The following CLSTN2 variants were observed in gnomAD, a reference collection of about 807,000 sequenced individuals.
CLSTN2 encodes the protein calsyntenin 2.
Under a neutral mutation model 101.2 loss-of-function variants are expected in CLSTN2, and 48 were observed. That is an observed-to-expected ratio of 0.47 (90% confidence interval 0.38 to 0.60). The LOEUF (loss-of-function observed/expected upper bound fraction) is 0.60. Among genes scored for constraint, CLSTN2 ranks in the 20% least tolerant of loss-of-function variants. The pLI, the probability that CLSTN2 is intolerant of heterozygous loss-of-function variation, is 0.00. For synonymous variants in CLSTN2, 481 were observed against 463.6 expected (o/e 1.04, Z -0.48); for missense variants, 1,160 against 1,238.2 (o/e 0.94, Z 0.95).
chr3:140,257,560 GGGTGTGTGTGT>G (rs2086614073), intron 2 of CLSTN2, among the ~76,000 whole-genome samples: 8 of 114,268 alleles, frequency 7.0e-5, no homozygotes, highest in African/African-American at 2.9e-4. Flanking sequence ...TTCTTTCTAG[GGGTGTGTGTGT>G]GTGTGTGTGT....
At chr3:140,532,913 G>C (rs1192543425) in intron 9 of CLSTN2, among the ~76,000 whole-genome samples, 1 of 152,144 alleles carries the variant, frequency 6.6e-6, no homozygotes, top group Non-Finnish European at 1.5e-5. Context: ...CAAACCCTCT[G>C]TTCTGGGAAC....
chr3:140,135,374 A>G (rs1336577602), intron 1 of CLSTN2, among the ~76,000 whole-genome samples: 2 of 151,822 alleles, frequency 1.3e-5, no homozygotes, highest in African/African-American at 4.8e-5. Context: ...AGTTTCTATC[A>G]CACTTTTTCT....
chr3:139,966,877 A>G (rs956663724), intron 1 of CLSTN2, among the ~76,000 whole-genome samples: 1 of 152,166 alleles, frequency 6.6e-6, no homozygotes, highest in African/African-American at 2.4e-5. Context: ...TGACCCAAGA[A>G]TATGGCTGCA....
rs750413769 is a variant in CLSTN2 at position 140,564,000 on chromosome 3, T to C, written c.2522T>C (p.Val841Ala). 6.2e-7 allele frequency: 1 copy of C among 1,614,204 alleles called. No homozygotes were observed. The highest frequency in any genetic ancestry group is 8.5e-7 in the Non-Finnish European group (1 of 1,180,026). ...GCCACAGTGGTCATCATCATCTCCG[T>C]GTGCATGCTTGTGTTTGTCGTGGCC... ...SIATVVIIIS[V>A]CMLVFVVAMG... Residue 841 changes from valine to alanine, a missense_variant, in exon 16 of 17, where the codon GTG (valine) becomes GCG (alanine). Physicochemically the swap from Val to Ala is moderately conservative, Grantham distance 64 (BLOSUM62 0). Transcript: ENST00000458420.
chr3:140,524,688 C>T (rs1424367491), intron 8 of CLSTN2, among the ~76,000 whole-genome samples: 1 of 152,108 alleles, frequency 6.6e-6, no homozygotes, highest in Non-Finnish European at 1.5e-5. Context: ...ATCACATGCT[C>T]AGTCATAAAG....
chr3:140,436,573 T>A (rs1029611654), intron 5 of CLSTN2, among the ~76,000 whole-genome samples: 1 of 152,186 alleles, frequency 6.6e-6, no homozygotes, highest in Non-Finnish European at 1.5e-5. Flanking sequence ...CCACCTTCCA[T>A]GGATCCCAGC....
At chr3:140,475,695 T>C (rs1933967996) in intron 8 of CLSTN2, among the ~76,000 whole-genome samples, 2 of 152,212 alleles carry the variant, frequency 1.3e-5, no homozygotes, top group Non-Finnish European at 1.5e-5. Flanking sequence ...TCTGGCAAGC[T>C]TGGATCCTGT....
At chr3:140,375,063 A>G (rs368652487) in intron 2 of CLSTN2, among the ~76,000 whole-genome samples, 119 of 152,318 alleles carry the variant, frequency 7.8e-4, no homozygotes, top group African/African-American at 2.8e-3. Context: ...CTATAATGAT[A>G]TGTATGGATG....
At chr3:140,535,560 G>A (rs1158665572) in intron 9 of CLSTN2, among the ~76,000 whole-genome samples, 1 of 152,204 alleles carries the variant, frequency 6.6e-6, no homozygotes, top group African/African-American at 2.4e-5. Context: ...TATACGCTAG[G>A]ACTGATCTCC....
At chr3:140,213,199 T>G (rs752744992) in intron 2 of CLSTN2, among the ~76,000 whole-genome samples, 1 of 152,212 alleles carries the variant, frequency 6.6e-6, no homozygotes, top group Non-Finnish European at 1.5e-5. Context: ...AGTCCCAGGA[T>G]CCTTCCCTAG....
At chr3:140,305,895 C>G (rs1232658495) in intron 2 of CLSTN2, among the ~76,000 whole-genome samples, 1 of 151,890 alleles carries the variant, frequency 6.6e-6, no homozygotes, top group Non-Finnish European at 1.5e-5. Flanking sequence ...TTAATTATTT[C>G]ATTATTCTTC....
intron 1 of CLSTN2, among the ~76,000 whole-genome samples, chr3:140,052,307 C>T (rs999237368): frequency 5.3e-5 from 8 of 152,188 alleles, no homozygotes; most frequent in Non-Finnish European, 8.8e-5. Flanking sequence ...TACAGGCGCA[C>T]GCCACCAAAA....
chr3:140,446,624 A>G (rs1175202501), intron 5 of CLSTN2, among the ~76,000 whole-genome samples: 1 of 152,156 alleles, frequency 6.6e-6, no homozygotes, highest in Admixed American at 6.5e-5. Context: ...GGTCAGTGCT[A>G]TGGTCCCCAT....
At chr3:140,323,462 C>A (rs1233126583) in intron 2 of CLSTN2, among the ~76,000 whole-genome samples, 1 of 152,236 alleles carries the variant, frequency 6.6e-6, no homozygotes, top group Non-Finnish European at 1.5e-5. Flanking sequence ...GCTAAGCAAG[C>A]TACCCACTTC....
intron 2 of CLSTN2, among the ~76,000 whole-genome samples, chr3:140,241,876 T>C (rs867191218): frequency 0.031 from 4,393 of 140,040 alleles, 187 homozygotes; most frequent in African/African-American, 0.1. Context: ...TACACATATA[T>C]ATATACACAC....
At chr3:140,064,554 A>G (rs1244353206) in intron 1 of CLSTN2, among the ~76,000 whole-genome samples, 1 of 152,226 alleles carries the variant, frequency 6.6e-6, no homozygotes, top group East Asian at 1.9e-4. Context: ...ACCTATTACT[A>G]GAACAACCAA....
At chr3:140,143,234 C>T (rs1560107923) in intron 1 of CLSTN2, among the ~76,000 whole-genome samples, 3 of 152,102 alleles carry the variant, frequency 2.0e-5, no homozygotes, top group African/African-American at 7.2e-5. Context: ...TTTTTGTGTG[C>T]ATGTGTGTGT....
intron 1 of CLSTN2, among the ~76,000 whole-genome samples, chr3:140,062,012 A>G (rs2008214950): frequency 6.6e-6 from 1 of 152,194 alleles, no homozygotes; most frequent in Admixed American, 6.5e-5. Flanking sequence ...AGGAGTGGCT[A>G]ACCAATTATT....
chr3:140,459,587 T>A lies in CLSTN2; in HGVS notation c.1040T>A (p.Leu347Gln). The A allele has an allele frequency of 6.2e-7, 1 of 1,614,134 alleles. No individual in the cohort carries two copies. The highest frequency in any genetic ancestry group is 8.5e-7 in the Non-Finnish European group (1 of 1,179,978). The stretch of plus-strand genomic sequence containing the variant: ...GCTGCCACCAACTGGACTGCAGGAC[T>A]GCTGGTGGACAGCAGTGAGATGATC... ...PSAATNWTAG[L>Q]LVDSSEMIFK... The change falls in exon 7 of 17, where the codon CTG becomes CAG. Residue 347 changes from leucine to glutamine, a missense_variant. Physicochemically the swap from Leu to Gln is moderately radical, Grantham distance 113. Coordinates refer to ENST00000458420, the MANE Select transcript of CLSTN2 (RefSeq NM_022131.3).
Sources: allele counts gnomAD v4.1 joint callset (sites outside exome capture counted in the v4.1 genomes callset), GRCh38; gene constraint gnomAD v4.1.1; transcripts MANE v1.5; gene names NCBI Gene and HGNC (gene_info 2026-07-23, HGNC 2026-07-21).